The following GPATCH8 variants were observed in gnomAD, a reference collection of about 807,000 sequenced individuals.
GPATCH8 encodes the protein G-patch domain containing 8.
Under a neutral mutation model 118.3 loss-of-function variants are expected in GPATCH8, and 18 were observed. The observed-to-expected ratio is 0.15, with a 90% CI of 0.11 to 0.23. The LOEUF (loss-of-function observed/expected upper bound fraction) is 0.23, where lower values mean the gene tolerates loss of function less well. GPATCH8 is among the 10% of genes least tolerant of loss of function. The pLI, the probability that GPATCH8 is intolerant of heterozygous loss-of-function variation, is 1.00. For missense variants in GPATCH8, 1,631 were observed against 1,873.8 expected, an observed-to-expected ratio of 0.87 and a Z score of 2.39; for synonymous variants, 659 against 684.7, an observed-to-expected ratio of 0.96 and a Z score of 0.59.
intron 1 of GPATCH8, among the ~76,000 whole-genome samples, chr17:44,477,018 A>G (rs1427299978): frequency 2.0e-5 from 3 of 152,222 alleles, no homozygotes; most frequent in African/African-American, 4.8e-5. Context: ...TCAAAAGACT[A>G]AAGACTTCAG....
chr17:44,431,646 A>G (rs946715585), intron 5 of GPATCH8, among the ~76,000 whole-genome samples: 1 of 152,092 alleles, frequency 6.6e-6, no homozygotes, highest in African/African-American at 2.4e-5. Flanking sequence ...AAGACTATAT[A>G]CAAGTAAAAC....
In GPATCH8 at chr17:44,401,342, A is replaced by C. The variant is rs755220410; in HGVS notation, c.735T>G (p.Ala245=). Reference sequence around the variant, plus strand: ...AGAATTCAGATCCCAGGCCACAAGAAGCAGTGGCACCTGTGCCACTATTTG... The same window carrying C: ...AGAATTCAGATCCCAGGCCACAAGACGCAGTGGCACCTGTGCCACTATTTG... The part of the protein sequence containing the change: ...SATNSGTGAT[A]SCGLGSEFST... Residue 245 remains alanine, a synonymous_variant, in exon 8 of 8, where the codon GCT becomes GCG. Coordinates refer to ENST00000591680, the MANE Select transcript of GPATCH8 (RefSeq NM_001002909.4). The C allele has an allele frequency of 8.7e-6, 14 of 1,610,692 alleles. No individual in the cohort carries two copies. The Admixed American group carries it at 2.4e-4, about 27-fold the overall frequency.
intron 2 of GPATCH8, among the ~76,000 whole-genome samples, chr17:44,474,047 A>C (rs1568040959): frequency 6.6e-6 from 1 of 152,194 alleles, no homozygotes; most frequent in Non-Finnish European, 1.5e-5. Flanking sequence ...TCCCCACTCA[A>C]GTTTTACCAA....
At chr17:44,452,453 C>T (rs1318459687) in intron 3 of GPATCH8, among the ~76,000 whole-genome samples, 3 of 152,074 alleles carry the variant, frequency 2.0e-5, no homozygotes, top group African/African-American at 7.2e-5. Flanking sequence ...AAGATTAACA[C>T]TAAATCTAGT....
chr17:44,409,965 G>A (rs1441291374), intron 6 of GPATCH8, among the ~76,000 whole-genome samples: 1 of 152,114 alleles, frequency 6.6e-6, no homozygotes, highest in Admixed American at 6.6e-5. Flanking sequence ...AGGAAAGGTT[G>A]ATATAAAGTA....
chr17:44,449,284 A>C (rs186359578), intron 3 of GPATCH8, among the ~76,000 whole-genome samples: 1 of 152,330 alleles, frequency 6.6e-6, no homozygotes, highest in East Asian at 1.9e-4. Flanking sequence ...TCCAAAAAAT[A>C]AATAAATAAA....
chr17:44,448,046 C>T (rs1283683431), intron 3 of GPATCH8, among the ~76,000 whole-genome samples: 1 of 152,030 alleles, frequency 6.6e-6, no homozygotes, highest in Non-Finnish European at 1.5e-5. Flanking sequence ...CAGGTTCAAG[C>T]GATTCTCCTA....
chr17:44,502,836 GCAGA>G (rs981708164), intron 1 of GPATCH8, among the ~76,000 whole-genome samples: 1 of 152,230 alleles, frequency 6.6e-6, no homozygotes, highest in African/African-American at 2.4e-5. Flanking sequence ...AAGAGGAAAA[GCAGA>G]CAATGAAAGG....
intron 5 of GPATCH8, among the ~76,000 whole-genome samples, chr17:44,425,010 G>A (rs186214184): frequency 1.6e-5 from 2 of 122,550 alleles, no homozygotes; most frequent in East Asian, 2.3e-4. Flanking sequence ...CATGTGAGAG[G>A]AGGTTGGAGA....
chr17:44,421,722 TTTTC>T (rs750207403), intron 6 of GPATCH8, among the ~76,000 whole-genome samples: 4 of 147,630 alleles, frequency 2.7e-5, no homozygotes, highest in Non-Finnish European at 6.0e-5. Context: ...CTTTCTTTCT[TTTTC>T]TTTTTTCTTT....
In GPATCH8 at chr17:44,405,365, C is replaced by T. The variant is rs185184079; in HGVS notation, c.623+556G>A. Among the ~76,000 whole-genome samples the T allele has an allele frequency of 5.2e-3, 789 of 151,672 alleles. 7 individuals are homozygous for T. Among genetic ancestry groups the T allele is most frequent in the African/African-American group, 0.018 (763 of 41,340 alleles). Reference sequence around the variant, plus strand: ...CTGGGATTATAGGCATGTGCCACCACGCCCGGCTAATTTTGTATTTTTAGT... The same window carrying T: ...CTGGGATTATAGGCATGTGCCACCATGCCCGGCTAATTTTGTATTTTTAGT... On this transcript the variant is annotated intron_variant, in intron 7 of 7. Coordinates refer to ENST00000591680, the MANE Select transcript of GPATCH8 (RefSeq NM_001002909.4).
intron 3 of GPATCH8, among the ~76,000 whole-genome samples, chr17:44,459,132 C>A (rs1159806564): frequency 1.3e-5 from 2 of 152,062 alleles, no homozygotes; most frequent in Admixed American, 6.5e-5. Flanking sequence ...CTAGTGAGCT[C>A]AGAATTAGTG....
intron 6 of GPATCH8, among the ~76,000 whole-genome samples, chr17:44,416,733 A>C (rs773549421): frequency 6.6e-6 from 1 of 152,238 alleles, no homozygotes; most frequent in Non-Finnish European, 1.5e-5. Context: ...AAGCAGTTGC[A>C]AACAATTTAG....
intron 1 of GPATCH8, among the ~76,000 whole-genome samples, chr17:44,490,356 C>G (rs1227531061): frequency 6.6e-6 from 1 of 151,830 alleles, no homozygotes; most frequent in Non-Finnish European, 1.5e-5. Context: ...AGTAATTATT[C>G]CAAGACAAAA....
At chr17:44,405,785 T>C in intron 7 of GPATCH8, 136 bp downstream of exon 7, 1 of 651,564 alleles carries the variant, frequency 1.5e-6, no homozygotes, top group Non-Finnish European at 2.6e-6. Context: ...ATTATAGGGG[T>C]GAGCCACTGC....
chr17:44,476,190 A>G (rs1034264179), intron 1 of GPATCH8, among the ~76,000 whole-genome samples: 2 of 152,078 alleles, frequency 1.3e-5, no homozygotes, highest in Non-Finnish European at 2.9e-5. Context: ...TCTTACAAAC[A>G]AAGAGCCACG....
At chr17:44,428,259 G>A (rs1214070779) in intron 5 of GPATCH8, among the ~76,000 whole-genome samples, 3 of 152,122 alleles carry the variant, frequency 2.0e-5, no homozygotes, top group East Asian at 3.9e-4. Flanking sequence ...TTGGGAGGCC[G>A]AGGTGGGTGG....
chr17:44,402,635 A>G (rs574921949), intron 7 of GPATCH8, among the ~76,000 whole-genome samples: 1 of 152,324 alleles, frequency 6.6e-6, no homozygotes, highest in South Asian at 2.1e-4. Context: ...AATAAAAATA[A>G]AAATTTCCCC....
chr17:44,484,161 T>A (rs555116188), intron 1 of GPATCH8, among the ~76,000 whole-genome samples: 10 of 151,714 alleles, frequency 6.6e-5, no homozygotes, highest in South Asian at 4.2e-4. Context: ...TTATTTATTT[T>A]TTAGCAGAAA....
Sources: allele counts gnomAD v4.1 joint callset (sites outside exome capture counted in the v4.1 genomes callset), GRCh38; gene constraint gnomAD v4.1.1; transcripts MANE v1.5; gene names NCBI Gene and HGNC (gene_info 2026-07-23, HGNC 2026-07-21).